TMBIM4: variants seen among roughly 807,000 people sequenced by gnomAD.
TMBIM4 encodes protein lifeguard 4.
Under a neutral mutation model 27.7 loss-of-function variants are expected in TMBIM4, and 28 were observed. The observed-to-expected ratio is 1.01, with a 90% CI of 0.75 to 1.38. TMBIM4 has a LOEUF of 1.38. Among genes scored for constraint, TMBIM4 ranks in the 40% most tolerant of loss-of-function variants. TMBIM4 has a pLI of 0.00. For synonymous variants in TMBIM4, 115 were observed against 113.1 expected (o/e 1.02, Z -0.11); for missense variants, 265 against 277.5 (o/e 0.95, Z 0.32).
At chr12:66,169,347 C>T (rs2052191918) in intron 1 of TMBIM4, 1 of 676,898 alleles carries the variant, frequency 1.5e-6, no homozygotes, top group Non-Finnish European at 2.7e-6. Context: ...CTGTTGCATT[C>T]TGGGCCCTGC....
Position 66,169,978 on chromosome 12 carries a change from C to A in TMBIM4, c.-27G>T, listed in dbSNP as rs530804513. 3.4e-6 allele frequency: 5 copies of A among 1,452,350 alleles called. No individual in the cohort carries two copies. The highest frequency in any genetic ancestry group is 1.4e-5 in the South Asian group (1 of 73,600). 90.0% of individuals were successfully genotyped at this position (1,452,350 alleles called of 1,614,324 possible). A position where few individuals can be genotyped will look rare whatever the true frequency, so the allele number is the denominator to read the frequency against. ...ATGGCAACAGCACCCCTACCGGTCC[C>A]GGTCCACTAACCGCAACCGCCTCCT... On this transcript the variant is annotated 5_prime_UTR_variant, in exon 1 of 7. Transcript: ENST00000358230.
At chr12:66,152,584 G>A (rs2051864075) in intron 2 of TMBIM4, among the ~76,000 whole-genome samples, 1 of 151,960 alleles carries the variant, frequency 6.6e-6, no homozygotes, top group African/African-American at 2.4e-5. Flanking sequence ...AAAGAAAAGA[G>A]CCCAAAATGA....
intron 1 of TMBIM4, among the ~76,000 whole-genome samples, chr12:66,157,534 T>C (rs764000132): frequency 4.6e-5 from 7 of 152,202 alleles, no homozygotes; most frequent in Non-Finnish European, 8.8e-5. Flanking sequence ...ACAGAATATA[T>C]ATCTTGGTAC....
intron 3 of TMBIM4, among the ~76,000 whole-genome samples, chr12:66,148,929 A>G (rs760656433): frequency 6.6e-5 from 10 of 152,184 alleles, no homozygotes; most frequent in African/African-American, 9.7e-5. Flanking sequence ...CTGATAGACC[A>G]TATCACAAAG....
At chr12:66,139,789 C>G (rs1410504985) in intron 5 of TMBIM4, 8 of 455,710 alleles carry the variant, frequency 1.8e-5, no homozygotes, top group Non-Finnish European at 3.1e-5. Context: ...GAAAGAACCA[C>G]AATAGAGAAG....
intron 1 of TMBIM4, among the ~76,000 whole-genome samples, chr12:66,154,674 T>C (rs545970706): frequency 6.6e-6 from 1 of 152,290 alleles, no homozygotes; most frequent in South Asian, 2.1e-4. Context: ...AGATGAGCAT[T>C]AGATGGTGGA....
chr12:66,141,568 T>C (rs188243206), intron 5 of TMBIM4, among the ~76,000 whole-genome samples: 2 of 151,730 alleles, frequency 1.3e-5, no homozygotes, highest in Admixed American at 1.3e-4. Context: ...GATCCAACTA[T>C]GATTTCTAAA....
chr12:66,149,657 C>T (rs564525110), intron 3 of TMBIM4, among the ~76,000 whole-genome samples: 1 of 151,938 alleles, frequency 6.6e-6, no homozygotes, highest in Admixed American at 6.5e-5. Context: ...ACACATGCTC[C>T]TCGAGTTACA....
chr12:66,149,305 T>C (rs1358808784), intron 3 of TMBIM4, among the ~76,000 whole-genome samples: 1 of 151,376 alleles, frequency 6.6e-6, no homozygotes, highest in African/African-American at 2.4e-5. Context: ...TAGCCAAGGA[T>C]GGTGACATGC....
At chr12:66,147,886 T>A in intron 4 of TMBIM4, 22 bp downstream of exon 4, 1 of 1,603,790 alleles carries the variant, frequency 6.2e-7, no homozygotes, top group Non-Finnish European at 8.5e-7. Context: ...TTATAACATA[T>A]AGAAATGCAG....
intron 5 of TMBIM4, among the ~76,000 whole-genome samples, chr12:66,143,675 C>A (rs933326354): frequency 1.3e-5 from 2 of 152,148 alleles, no homozygotes; most frequent in Non-Finnish European, 1.5e-5. Flanking sequence ...TGAAGCACTG[C>A]CACCATTGCC....
chr12:66,157,302 C>G (rs1467577599), intron 1 of TMBIM4, among the ~76,000 whole-genome samples: 1 of 152,020 alleles, frequency 6.6e-6, no homozygotes, highest in African/African-American at 2.4e-5. Context: ...TGCCAACAGC[C>G]AGTGAGAAAC....
At chr12:66,138,910 C>A in intron 5 of TMBIM4, 141 bp from the exon 6 acceptor site, 1 of 1,205,848 alleles carries the variant, frequency 8.3e-7, no homozygotes, top group Non-Finnish European at 1.1e-6. Context: ...TGTAAACATA[C>A]AATGAATATA....
rs1565779932 is a variant in TMBIM4, at chr12:66,136,814, T to C, written c.*1146A>G. On this transcript the variant is annotated 3_prime_UTR_variant, in exon 7 of 7. Transcript: ENST00000358230. ...TTTCTTGTTGAAGCCACCCAAGCTG[T>C]AGAACTTTGTTATGGCAGCCTAACA... 6.6e-6 allele frequency: 1 copy of C among 152,232 alleles called. No individual in the cohort carries two copies. The highest frequency in any genetic ancestry group is 1.5e-5 in the Non-Finnish European group (1 of 68,044). The allele number at this position is 152,232 out of a possible 1,614,324, so 9.4% of individuals were successfully genotyped here.
intron 1 of TMBIM4, chr12:66,161,246 TTTG>T (rs2052035991): frequency 6.6e-6 from 1 of 152,426 alleles, no homozygotes; most frequent in Non-Finnish European, 1.5e-5. Flanking sequence ...GCTAATTTGC[TTTG>T]TTTTGTTTTG....
chr12:66,147,994 A>G, intron 3 of TMBIM4, 53 bp from the exon 4 acceptor site: 3 of 1,514,936 alleles, frequency 2.0e-6, no homozygotes, highest in Non-Finnish European at 2.7e-6. Context: ...TATCTCATGT[A>G]CATTTTCTAA....
chr12:66,155,317 G>A (rs2051913003), intron 1 of TMBIM4, among the ~76,000 whole-genome samples: 1 of 98,932 alleles, frequency 1.0e-5, no homozygotes, highest in Non-Finnish European at 2.4e-5. Flanking sequence ...ACCAGGATGG[G>A]GTGTGTGTGC....
intron 1 of TMBIM4, 75 bp from the exon 2 acceptor site, chr12:66,153,523 TA>T: frequency 2.2e-6 from 2 of 900,926 alleles, no homozygotes; most frequent in Non-Finnish European, 3.3e-6. Context: ...ATTTCCTCTT[TA>T]AAAAATTGTT....
At chr12:66,146,733 T>C (rs889147987) in intron 4 of TMBIM4, among the ~76,000 whole-genome samples, 1 of 198 alleles carries the variant, frequency 5.1e-3, no homozygotes, top group African/African-American at 0.016. Flanking sequence ...AATTTTTAAT[T>C]TTTCAGGGGA....
Sources: allele counts gnomAD v4.1 joint callset (sites outside exome capture counted in the v4.1 genomes callset), GRCh38; gene constraint gnomAD v4.1.1; transcripts MANE v1.5; gene names NCBI Gene and HGNC (gene_info 2026-07-23, HGNC 2026-07-21).